Variants in R3HCC1L observed in about 807,000 individuals in gnomAD.
R3HCC1L encodes the protein R3H domain and coiled-coil containing 1 like.
Under a neutral mutation model 59.9 loss-of-function variants are expected in R3HCC1L, and 51 were observed. That is an observed-to-expected ratio of 0.85 (90% CI 0.68 to 1.07). R3HCC1L has a LOEUF of 1.07. R3HCC1L is among the 50% of genes least tolerant of loss of function. R3HCC1L has a pLI of 0.00. For synonymous variants in R3HCC1L, 322 were observed against 315.2 expected (o/e 1.02, Z -0.23); for missense variants, 965 against 933.0 (o/e 1.03, Z -0.45).
At chr10:98,179,504 G>T (rs1849405702) in intron 4 of R3HCC1L, among the ~76,000 whole-genome samples, 1 of 152,084 alleles carries the variant, frequency 6.6e-6, no homozygotes, top group Non-Finnish European at 1.5e-5. Flanking sequence ...TGTTCATCAG[G>T]GATATTGGTC....
chr10:98,206,179 ACT>A (rs779639028), intron 4 of R3HCC1L, among the ~76,000 whole-genome samples: 14 of 152,020 alleles, frequency 9.2e-5, no homozygotes, highest in Non-Finnish European at 1.8e-4. Flanking sequence ...TATTTTCTAG[ACT>A]CTGTAATCTA....
At chr10:98,236,733 TC>T (rs1857004895) in intron 9 of R3HCC1L, among the ~76,000 whole-genome samples, 1 of 152,192 alleles carries the variant, frequency 6.6e-6, no homozygotes, top group South Asian at 2.1e-4. Context: ...GAAAAATATT[TC>T]CCCTGATCCA....
chr10:98,242,148 C>T (rs1857592189), intron 9 of R3HCC1L, among the ~76,000 whole-genome samples: 1 of 152,136 alleles, frequency 6.6e-6, no homozygotes, highest in Non-Finnish European at 1.5e-5. Context: ...AGTTCAAGAC[C>T]ATTCTGGCTA....
At chr10:98,225,148 A>G (rs966694943) in intron 5 of R3HCC1L, among the ~76,000 whole-genome samples, 3 of 152,328 alleles carry the variant, frequency 2.0e-5, no homozygotes, top group Admixed American at 6.5e-5. Flanking sequence ...TACTTATTAC[A>G]TAGCCACATG....
At chr10:98,165,264 C>A (rs1444028519) in intron 4 of R3HCC1L, among the ~76,000 whole-genome samples, 1 of 152,064 alleles carries the variant, frequency 6.6e-6, no homozygotes, top group Admixed American at 6.5e-5. Flanking sequence ...GACTCTGTCT[C>A]AAAAAATCAA....
chr10:98,208,596 T>C lies in R3HCC1L; in HGVS notation c.482T>C (p.Ile161Thr). The part of the protein sequence containing the change: ...ETTDVTGHER[I>T]LLSQACLEIS... ...ACGGATGTGACAGGACATGAGAGGATACTTCTTTCACAGGCCTGTTTAGAA... is the reference window on the plus strand; with the variant it reads ...ACGGATGTGACAGGACATGAGAGGACACTTCTTTCACAGGCCTGTTTAGAA... The change falls in exon 5 of 10, where the codon ATA (isoleucine) becomes ACA (threonine). Residue 161 changes from isoleucine to threonine, a missense_variant. Coordinates refer to ENST00000298999, the MANE Select transcript of R3HCC1L (RefSeq NM_001351015.2). 3 of 1,614,086 alleles carry C rather than the reference T, an allele frequency of 1.9e-6. No homozygotes were observed. Among genetic ancestry groups the C allele is most frequent in the Non-Finnish European group, 2.5e-6 (3 of 1,179,992 alleles).
intron 4 of R3HCC1L, among the ~76,000 whole-genome samples, chr10:98,207,188 T>G (rs1266458035): frequency 6.6e-6 from 1 of 152,224 alleles, no homozygotes; most frequent in Non-Finnish European, 1.5e-5. Context: ...TTCTCTGTTG[T>G]GTATAGCACC....
intron 4 of R3HCC1L, among the ~76,000 whole-genome samples, chr10:98,192,025 A>G (rs375695671): frequency 3.1e-4 from 47 of 152,052 alleles, no homozygotes; most frequent in Non-Finnish European, 5.6e-4. Context: ...GGGCTTCACC[A>G]TGTTGGCCAG....
chr10:98,243,292 A>C (rs756772423), intron 9 of R3HCC1L, among the ~76,000 whole-genome samples: 1 of 152,222 alleles, frequency 6.6e-6, no homozygotes, highest in Non-Finnish European at 1.5e-5. Context: ...CTTACCATCT[A>C]TGATGTAGGC....
intron 4 of R3HCC1L, among the ~76,000 whole-genome samples, chr10:98,177,022 AAATT>A (rs1259560828): frequency 2.0e-5 from 3 of 151,950 alleles, no homozygotes; most frequent in Non-Finnish European, 4.4e-5. Context: ...ACATTTTTTA[AAATT>A]AATTTATTAA....
intron 2 of R3HCC1L, among the ~76,000 whole-genome samples, chr10:98,160,542 G>A (rs111486548): frequency 0.011 from 1,728 of 152,236 alleles, 39 homozygotes; most frequent in African/African-American, 0.037. Flanking sequence ...TATAAAAACC[G>A]TGTTCAAAAG....
At chr10:98,158,620 G>A (rs1847109967) in intron 2 of R3HCC1L, among the ~76,000 whole-genome samples, 1 of 152,154 alleles carries the variant, frequency 6.6e-6, no homozygotes, top group South Asian at 2.1e-4. Context: ...ATAAGCCACA[G>A]TATAGTTGTT....
rs538394087 is a variant in R3HCC1L at position 98,152,077 on chromosome 10, C to T, written c.-267-4016C>T. Among the ~76,000 whole-genome samples, 455 of 152,280 alleles carry T rather than the reference C, an allele frequency of 3.0e-3. 4 individuals carry two copies. The highest frequency in any genetic ancestry group is 9.3e-3 in the African/African-American group (385 of 41,572). On this transcript the variant is annotated intron_variant, in intron 1 of 9. Coordinates refer to ENST00000298999, the MANE Select transcript of R3HCC1L (RefSeq NM_001351015.2). ...GCCTGATTCTCCTGCCTCAGCCTGC[C>T]GAGTGCCTGCGATTGCAGGCGCGCG... is the stretch of plus-strand genomic sequence containing the variant.
chr10:98,221,796 T>G (rs1297886182), intron 5 of R3HCC1L, among the ~76,000 whole-genome samples: 2 of 152,230 alleles, frequency 1.3e-5, no homozygotes, highest in Non-Finnish European at 2.9e-5. Flanking sequence ...GTAATATAGT[T>G]TGAAGTCAGG....
At chr10:98,159,430 C>T (rs1344538416) in intron 2 of R3HCC1L, among the ~76,000 whole-genome samples, 1 of 151,926 alleles carries the variant, frequency 6.6e-6, no homozygotes, top group Non-Finnish European at 1.5e-5. Context: ...AGTCACAGTC[C>T]CTTTGTAATT....
chr10:98,219,132 G>A (rs1449668647), intron 5 of R3HCC1L, among the ~76,000 whole-genome samples: 5 of 152,158 alleles, frequency 3.3e-5, no homozygotes, highest in Non-Finnish European at 7.4e-5. Flanking sequence ...GGCTGGTCTT[G>A]ATCTCCTGGC....
chr10:98,218,231 T>TCA (rs1854438103), intron 5 of R3HCC1L, among the ~76,000 whole-genome samples: 2 of 152,188 alleles, frequency 1.3e-5, no homozygotes. Flanking sequence ...ATGTTGAACT[T>TCA]CATCAAGTGC....
chr10:98,159,234 G>C (rs982652010), intron 2 of R3HCC1L, among the ~76,000 whole-genome samples: 1 of 150,364 alleles, frequency 6.7e-6, no homozygotes, highest in Non-Finnish European at 1.5e-5. Flanking sequence ...GCAAAGTATT[G>C]TTATGCTTTT....
At chr10:98,189,683 A>G (rs1042252462) in intron 4 of R3HCC1L, among the ~76,000 whole-genome samples, 1 of 152,210 alleles carries the variant, frequency 6.6e-6, no homozygotes, top group Non-Finnish European at 1.5e-5. Flanking sequence ...AGTGTGAAAT[A>G]TATCATTGTA....
Sources: allele counts gnomAD v4.1 joint callset (sites outside exome capture counted in the v4.1 genomes callset), GRCh38; gene constraint gnomAD v4.1.1; transcripts MANE v1.5; gene names NCBI Gene and HGNC (gene_info 2026-07-23, HGNC 2026-07-21).